Variants in CNBD1 observed in about 807,000 individuals in gnomAD.
The protein encoded by CNBD1 is cyclic nucleotide binding domain containing 1.
A neutral mutation model predicts 54.4 loss-of-function variants in CNBD1; 71 were observed. The observed-to-expected ratio is 1.30, with a 90% CI of 1.08 to 1.59. The LOEUF is 1.59. CNBD1 is among the 40% of genes most tolerant of loss of function. CNBD1 has a pLI of 0.00. For missense variants in CNBD1, 659 were observed against 518.0 expected (o/e 1.27, Z -2.64); for synonymous variants, 182 against 170.7 (o/e 1.07, Z -0.51).
intron 1 of CNBD1, among the ~76,000 whole-genome samples, chr8:86,878,366 T>C (rs994096401): frequency 6.6e-6 from 1 of 152,164 alleles, no homozygotes; most frequent in African/African-American, 2.4e-5. Context: ...GATTGAATTT[T>C]CTTGTATGTT....
chr8:87,272,102 T>C (rs1808379885), intron 6 of CNBD1, among the ~76,000 whole-genome samples: 1 of 151,820 alleles, frequency 6.6e-6, no homozygotes, highest in South Asian at 2.1e-4. Flanking sequence ...GTGGGGGTGA[T>C]GTGTGGTGAA....
At chr8:87,372,483 A>G (rs1457917816) in intron 10 of CNBD1, among the ~76,000 whole-genome samples, 2 of 151,854 alleles carry the variant, frequency 1.3e-5, no homozygotes, top group South Asian at 4.1e-4. Context: ...CTGATTTCCA[A>G]ATTTCTTCAG....
rs137904066 is a variant in CNBD1, at chr8:87,169,448, G to C, written c.432-36545G>C. On this transcript the variant is annotated intron_variant, in intron 4 of 10. Transcript: ENST00000518476. ...TTGTCCACTTTTGCTTTGGTTGACT[G>C]TCCTCGTGGGGTATTACTCAAGAAA... Among the ~76,000 whole-genome samples the C allele has an allele frequency of 9.2e-4, 140 of 152,096 alleles. 2 individuals are homozygous for C. The highest frequency in any genetic ancestry group is 3.3e-3 in the African/African-American group (135 of 41,522).
intron 1 of CNBD1, among the ~76,000 whole-genome samples, chr8:86,874,808 T>C (rs569781487): frequency 6.6e-6 from 1 of 151,770 alleles, no homozygotes; most frequent in Admixed American, 6.6e-5. Context: ...TTTCATACTT[T>C]CTTTGTCTTA....
intron 10 of CNBD1, among the ~76,000 whole-genome samples, chr8:87,359,120 G>A (rs1194716908): frequency 6.6e-6 from 1 of 152,104 alleles, no homozygotes; most frequent in Non-Finnish European, 1.5e-5. Context: ...ATACAAAAGT[G>A]TTTCTTTTAG....
chr8:87,096,283 CCGGCCTTCTCCCTA>C (rs963613506), intron 4 of CNBD1, among the ~76,000 whole-genome samples: 2 of 151,470 alleles, frequency 1.3e-5, no homozygotes, highest in Non-Finnish European at 2.9e-5. Context: ...TGGCTTATAG[CCGGCCTTCTCCCTA>C]TGTCATCACA....
At chr8:87,425,631 G>GGGGGTCA (rs879937635) in intron 2 of CNBD1, among the ~76,000 whole-genome samples, 1 of 151,524 alleles carries the variant, frequency 6.6e-6, no homozygotes, top group Non-Finnish European at 1.5e-5. Context: ...TAGGCTGCTC[G>GGGGGTCA]GGGGTCAGGG....
At chr8:87,179,192 G>A (rs548650210) in intron 4 of CNBD1, among the ~76,000 whole-genome samples, 7 of 152,178 alleles carry the variant, frequency 4.6e-5, no homozygotes, top group African/African-American at 1.7e-4. Context: ...TAAAACAGAA[G>A]GATTTAAAGA....
At chr8:87,087,632 T>C (rs1811129151) in intron 4 of CNBD1, among the ~76,000 whole-genome samples, 1 of 151,854 alleles carries the variant, frequency 6.6e-6, no homozygotes, top group Non-Finnish European at 1.5e-5. Flanking sequence ...CCCGGCTATT[T>C]TTTTTTTGTA....
intron 4 of CNBD1, among the ~76,000 whole-genome samples, chr8:87,059,525 G>A (rs1810497944): frequency 6.6e-6 from 1 of 152,192 alleles, no homozygotes; most frequent in South Asian, 2.1e-4. Context: ...GAGGCCTCAG[G>A]AAACTTAAAA....
chr8:87,188,602 T>C (rs2915523), intron 4 of CNBD1, among the ~76,000 whole-genome samples: 60,177 of 151,536 alleles, frequency 0.4, 13,440 homozygotes, highest in Non-Finnish European at 0.5. Context: ...AGCAGGTGCC[T>C]GTAATCCCAG....
chr8:86,960,325 C>T (rs1807895156), intron 4 of CNBD1, among the ~76,000 whole-genome samples: 1 of 152,146 alleles, frequency 6.6e-6, no homozygotes, highest in Non-Finnish European at 1.5e-5. Context: ...AACGGCACAC[C>T]AGGAGATTAT....
intron 8 of CNBD1, among the ~76,000 whole-genome samples, chr8:87,304,741 C>T (rs1422257284): frequency 2.6e-5 from 4 of 152,032 alleles, no homozygotes; most frequent in Non-Finnish European, 5.9e-5. Context: ...TCAGCAATGT[C>T]GGCAAACAAG....
chr8:87,114,590 A>AT (rs5893012), intron 4 of CNBD1, among the ~76,000 whole-genome samples: 91,263 of 151,906 alleles, frequency 0.6, 28,652 homozygotes, highest in African/African-American at 0.79. Context: ...ACCTCAGGTG[A>AT]CCGCCCAGTG....
At chr8:87,027,083 T>G (rs1368684479) in intron 4 of CNBD1, among the ~76,000 whole-genome samples, 1 of 151,712 alleles carries the variant, frequency 6.6e-6, no homozygotes, top group Non-Finnish European at 1.5e-5. Flanking sequence ...TATGAGTGCT[T>G]TTTTTTTAAT....
In CNBD1 at chr8:86,875,514, CT is replaced by C. The variant is rs561834775; in HGVS notation, c.88+8938del. ...CTCTAATGGGTTTCTGGTCTATGTA[CT>C]TTTTTTAAATCTATATAATTACAAT... On this transcript the variant is annotated intron_variant, in intron 1 of 10. Transcript: ENST00000518476. Among the ~76,000 whole-genome samples, 406 of 152,264 alleles carry C rather than the reference CT, an allele frequency of 2.7e-3. 3 individuals carry two copies. Among genetic ancestry groups the C allele is most frequent in the African/African-American group, 8.6e-3 (357 of 41,544 alleles).
At chr8:86,909,440 T>C (rs1809067558) in intron 3 of CNBD1, among the ~76,000 whole-genome samples, 1 of 152,240 alleles carries the variant, frequency 6.6e-6, no homozygotes. Flanking sequence ...ATAGTGCAGT[T>C]AAAGGGAATT....
chr8:86,891,987 G>A (rs1808774961), intron 2 of CNBD1, among the ~76,000 whole-genome samples: 2 of 151,980 alleles, frequency 1.3e-5, no homozygotes, highest in Admixed American at 1.3e-4. Context: ...ATACTTATAA[G>A]ATCCATATTG....
At chr8:87,300,601 T>C (rs1339667685) in intron 8 of CNBD1, among the ~76,000 whole-genome samples, 1 of 152,130 alleles carries the variant, frequency 6.6e-6, no homozygotes. Flanking sequence ...TTTATTTTAA[T>C]TGAAAGTATT....
Sources: gnomAD v4.1 joint callset for allele counts (sites outside exome capture counted in the v4.1 genomes callset) on GRCh38, gnomAD v4.1.1 for gene constraint, MANE v1.5 for transcripts, NCBI Gene and HGNC (gene_info 2026-07-23, HGNC 2026-07-21) for gene names.